NAALADL2: variants seen among roughly 807,000 people sequenced by gnomAD.
NAALADL2 encodes inactive N-acetylated-alpha-linked acidic dipeptidase-like protein 2.
NAALADL2 carries 76 observed loss-of-function variants against 87.2 expected under a neutral mutation model. That is an observed-to-expected ratio of 0.87 (90% CI 0.72 to 1.05). The LOEUF (loss-of-function observed/expected upper bound fraction) is 1.05. Among genes scored for constraint, NAALADL2 ranks in the 50% least tolerant of loss-of-function variants. The pLI is 0.00. For missense variants in NAALADL2, 1,089 were observed against 945.8 expected, an observed-to-expected ratio of 1.15 and a Z score of -1.99; for synonymous variants, 354 against 331.0, an observed-to-expected ratio of 1.07 and a Z score of -0.75.
intron 1 of NAALADL2, among the ~76,000 whole-genome samples, chr3:175,045,767 T>C (rs1047806195): frequency 1.3e-5 from 2 of 152,170 alleles, no homozygotes; most frequent in East Asian, 1.9e-4. Context: ...TATTTTAAGA[T>C]GGATATGAAG....
At chr3:175,801,751 T>G (rs1247281610) in intron 13 of NAALADL2, among the ~76,000 whole-genome samples, 1 of 152,136 alleles carries the variant, frequency 6.6e-6, no homozygotes, top group Non-Finnish European at 1.5e-5. Flanking sequence ...GACCACGAGA[T>G]TTCAGCTAGT....
At chr3:175,587,913 C>T (rs1248575905) in intron 10 of NAALADL2, among the ~76,000 whole-genome samples, 1 of 152,048 alleles carries the variant, frequency 6.6e-6, no homozygotes, top group South Asian at 2.1e-4. Context: ...ATGTGATACA[C>T]CTGGAGATGA....
intron 1 of NAALADL2, among the ~76,000 whole-genome samples, chr3:175,053,400 C>T (rs568292534): frequency 1.3e-5 from 2 of 152,196 alleles, no homozygotes; most frequent in East Asian, 1.9e-4. Context: ...CTTGATCCTC[C>T]CCAGGTGGTT....
rs150014276 is a variant in NAALADL2 at position 175,139,772 on chromosome 3, A to G, written c.545+42481A>G. ...TTTTCAACTTTTATTTCTCTACAGT[A>G]AAAAGCATTTCTTAAAAAAATTATG... On this transcript the variant is annotated intron_variant, in intron 2 of 13. Transcript: ENST00000454872. 6.5e-3 allele frequency among the ~76,000 whole-genome samples: 993 copies of G among 152,174 alleles called. 11 individuals are homozygous for G. The highest frequency in any genetic ancestry group is 0.023 in the African/African-American group (941 of 41,456).
intron 13 of NAALADL2, among the ~76,000 whole-genome samples, chr3:175,800,755 C>G (rs1331597968): frequency 6.6e-6 from 1 of 152,134 alleles, no homozygotes; most frequent in Non-Finnish European, 1.5e-5. Context: ...ATCACCATGA[C>G]TAAAGACCTC....
intron 2 of NAALADL2, among the ~76,000 whole-genome samples, chr3:175,097,986 A>C (rs1721447797): frequency 6.6e-6 from 1 of 152,160 alleles, no homozygotes; most frequent in Non-Finnish European, 1.5e-5. Flanking sequence ...GTTACAGCCA[A>C]GATGTTGGCA....
intron 2 of NAALADL2, among the ~76,000 whole-genome samples, chr3:174,707,751 A>C (rs1730235401): frequency 6.6e-6 from 1 of 151,988 alleles, no homozygotes; most frequent in Non-Finnish European, 1.5e-5. Flanking sequence ...ATATGTAAAA[A>C]TCCTGCACGT....
At chr3:175,495,611 T>C (rs912611618) in intron 9 of NAALADL2, among the ~76,000 whole-genome samples, 4 of 152,074 alleles carry the variant, frequency 2.6e-5, no homozygotes, top group African/African-American at 9.7e-5. Context: ...AACTTCTGCT[T>C]AGTGAATTGA....
At chr3:174,453,411 T>C (rs1238792975) in intron 1 of NAALADL2, among the ~76,000 whole-genome samples, 6 of 152,092 alleles carry the variant, frequency 3.9e-5, no homozygotes, top group Admixed American at 3.9e-4. Context: ...ATTCAGGAAA[T>C]GCAGAGAACC....
At chr3:175,120,872 A>G (rs1726047561) in intron 2 of NAALADL2, among the ~76,000 whole-genome samples, 1 of 151,858 alleles carries the variant, frequency 6.6e-6, no homozygotes, top group South Asian at 2.1e-4. Context: ...TTTCAAATAG[A>G]ACAAGACTAA....
intron 2 of NAALADL2, among the ~76,000 whole-genome samples, chr3:175,225,093 T>C (rs1743963992): frequency 6.6e-6 from 1 of 152,208 alleles, no homozygotes; most frequent in Admixed American, 6.6e-5. Context: ...AAGTTCTTAC[T>C]AGTTTTAAAT....
At chr3:174,655,678 A>G (rs1471536772) in intron 2 of NAALADL2, among the ~76,000 whole-genome samples, 2 of 152,122 alleles carry the variant, frequency 1.3e-5, no homozygotes, top group Admixed American at 6.5e-5. Context: ...ATTAACTATA[A>G]TATAACATGG....
At chr3:174,982,702 A>C (rs983074663) in intron 1 of NAALADL2, among the ~76,000 whole-genome samples, 3 of 152,238 alleles carry the variant, frequency 2.0e-5, no homozygotes, top group African/African-American at 7.2e-5. Flanking sequence ...AATTTTATGT[A>C]GGTGCTGTTG....
At chr3:174,845,502 C>T (rs893674549) in intron 3 of NAALADL2, among the ~76,000 whole-genome samples, 3 of 152,190 alleles carry the variant, frequency 2.0e-5, no homozygotes, top group African/African-American at 7.2e-5. Context: ...GACCATTTCC[C>T]CTGGTGACTG....
intron 1 of NAALADL2, among the ~76,000 whole-genome samples, chr3:175,032,885 A>C (rs545913770): frequency 6.6e-6 from 1 of 152,090 alleles, no homozygotes; most frequent in Non-Finnish European, 1.5e-5. Flanking sequence ...CACTGCTTTC[A>C]ACTATAGCAT....
chr3:174,692,089 T>C (rs1352862365), intron 2 of NAALADL2: 2 of 152,236 alleles, frequency 1.3e-5, no homozygotes, highest in African/African-American at 4.8e-5. Context: ...ATGTTCTTAA[T>C]GGCATCTTGA....
intron 7 of NAALADL2, among the ~76,000 whole-genome samples, chr3:175,466,559 C>T (rs1274219453): frequency 2.0e-5 from 3 of 152,102 alleles, no homozygotes; most frequent in African/African-American, 4.8e-5. Flanking sequence ...AGAATCCATA[C>T]ATGACTACCA....
intron 1 of NAALADL2, among the ~76,000 whole-genome samples, chr3:174,929,313 A>T (rs1405860559): frequency 6.6e-6 from 1 of 152,194 alleles, no homozygotes; most frequent in African/African-American, 2.4e-5. Context: ...GAAATGTCTG[A>T]TTTTTTTAAA....
At position 175,794,386 on chromosome 3, in the gene NAALADL2, A is replaced by G. The variant is rs984617425; in HGVS notation, c.2190-8619A>G. Among the ~76,000 whole-genome samples the G allele has an allele frequency of 2.7e-4, 15 of 56,578 alleles. No individual in the cohort carries two copies. The African/African-American group carries it at 6.7e-3, about 25-fold the overall frequency. The allele number at this position is 56,578 out of a possible 152,430, so 37.1% of individuals were successfully genotyped here. On this transcript the variant is annotated intron_variant, in intron 13 of 13. Transcript: ENST00000454872. ...AAGAAACCAATTAAATGAGTGTGGA[A>G]AAAAAAAAAGTAGTCAACTGTATCA...
Sources: allele counts gnomAD v4.1 joint callset (sites outside exome capture counted in the v4.1 genomes callset), GRCh38; gene constraint gnomAD v4.1.1; transcripts MANE v1.5; gene names NCBI Gene and HGNC (gene_info 2026-07-23, HGNC 2026-07-21).